Variants in HERC2 observed in about 807,000 individuals in gnomAD.
The protein encoded by HERC2 is HECT and RLD domain containing E3 ubiquitin protein ligase 2.
A neutral mutation model predicts 537.7 loss-of-function variants in HERC2; 102 were observed. The observed-to-expected ratio is 0.19, with a 90% CI of 0.16 to 0.22. HERC2 has a LOEUF of 0.22. Among genes scored for constraint, HERC2 ranks in the 10% least tolerant of loss-of-function variants. HERC2 has a pLI of 1.00. For synonymous variants in HERC2, 2,224 were observed against 2,466.2 expected, an observed-to-expected ratio of 0.90 and a Z score of 2.91; for missense variants, 4,236 against 6,198.2, an observed-to-expected ratio of 0.68 and a Z score of 10.63.
chr15:28,306,094 T>C (rs1040345752), intron 2 of HERC2, among the ~76,000 whole-genome samples: 1 of 152,224 alleles, frequency 6.6e-6, no homozygotes, highest in African/African-American at 2.4e-5. Flanking sequence ...TGTAAACTAG[T>C]CCATTATTAT....
intron 86 of HERC2, 23 bp from the exon 87 acceptor site, chr15:28,117,177 G>A: frequency 1.2e-6 from 2 of 1,612,410 alleles, no homozygotes; most frequent in Non-Finnish European, 1.7e-6. Context: ...AAGCAAGCAA[G>A]CGTGAGGCCG....
intron 76 of HERC2, 120 bp from the exon 77 acceptor site, chr15:28,141,966 T>C (rs1250658313): frequency 8.6e-5 from 72 of 835,874 alleles, no homozygotes; most frequent in Non-Finnish European, 1.3e-4. Context: ...AACATTGCAA[T>C]GTTATGGTTC....
At chr15:28,316,222 CAAAAAAAAAAAA>C (rs869089875) in intron 2 of HERC2, among the ~76,000 whole-genome samples, 3 of 50,542 alleles carry the variant, frequency 5.9e-5, no homozygotes, top group Non-Finnish European at 1.2e-4. Flanking sequence ...GACTCTGTCT[CAAAAAAAAAAAA>C]AAAAAAAAAA....
intron 2 of HERC2, among the ~76,000 whole-genome samples, chr15:28,317,295 G>A (rs971271456): frequency 2.6e-5 from 4 of 152,162 alleles, no homozygotes; most frequent in Non-Finnish European, 5.9e-5. Context: ...CACCATGGGC[G>A]CCAGGCTGGT....
intron 78 of HERC2, among the ~76,000 whole-genome samples, chr15:28,136,913 G>C (rs1435231554): frequency 1.3e-5 from 2 of 152,080 alleles, no homozygotes; most frequent in African/African-American, 2.4e-5. Context: ...ATATGCTAAA[G>C]GAGAAGGAAA....
intron 12 of HERC2, among the ~76,000 whole-genome samples, chr15:28,267,447 A>T (rs1271230470): frequency 6.6e-6 from 1 of 152,220 alleles, no homozygotes; most frequent in African/African-American, 2.4e-5. Context: ...AAGTAAGCAG[A>T]CATACCACCC....
At chr15:28,127,411 G>T (rs758361517) in intron 83 of HERC2, among the ~76,000 whole-genome samples, 4 of 152,242 alleles carry the variant, frequency 2.6e-5, no homozygotes, top group Non-Finnish European at 5.9e-5. Flanking sequence ...GAAAGGATCT[G>T]CAAGGTTGCC....
chr15:28,152,612 T>TA (rs1171667693), intron 70 of HERC2, 65 bp downstream of exon 70: 1 of 1,373,264 alleles, frequency 7.3e-7, no homozygotes, highest in Non-Finnish European at 9.7e-7. Context: ...CTGAAGCAAT[T>TA]ACAGAATCAC....
In HERC2 at chr15:28,244,852, G is replaced by T. The variant is rs189339365; in HGVS notation, c.3577+1029C>A. On this transcript the variant is annotated intron_variant, in intron 23 of 92. Coordinates refer to ENST00000261609, the MANE Select transcript of HERC2 (RefSeq NM_004667.6). Reference sequence around the variant, plus strand: ...TTAGGGGGATGATGGTCTAAAACACGAGAAGAAAAAAAGCCCATCCAGCTT... The same window carrying T: ...TTAGGGGGATGATGGTCTAAAACACTAGAAGAAAAAAAGCCCATCCAGCTT... Among the ~76,000 whole-genome samples, 228 of 152,138 alleles carry T rather than the reference G, an allele frequency of 1.5e-3. 1 individual carries two copies. The highest frequency in any genetic ancestry group is 2.4e-3 in the Admixed American group (37 of 15,274).
chr15:28,244,518 G>T (rs952047577), intron 23 of HERC2, among the ~76,000 whole-genome samples: 1 of 152,094 alleles, frequency 6.6e-6, no homozygotes, highest in African/African-American at 2.4e-5. Context: ...CCAGGCTAAG[G>T]TTTGAATGGC....
intron 55 of HERC2, among the ~76,000 whole-genome samples, chr15:28,189,034 G>A (rs1896587651): frequency 6.6e-6 from 1 of 151,898 alleles, no homozygotes; most frequent in East Asian, 1.9e-4. Context: ...GTTGCGGTAA[G>A]CTGAGATCTG....
chr15:28,125,236 C>G (rs1177940847), intron 83 of HERC2, 43 bp from the exon 84 acceptor site: 2 of 1,504,716 alleles, frequency 1.3e-6, no homozygotes, highest in Admixed American at 3.4e-5. Flanking sequence ...ATACTAGGGC[C>G]AACAAACGCA....
chr15:28,288,227 T>A (rs554642018), intron 4 of HERC2, among the ~76,000 whole-genome samples: 1 of 152,226 alleles, frequency 6.6e-6, no homozygotes, highest in South Asian at 2.1e-4. Context: ...GGGCCCATAA[T>A]GGTAAAATGT....
intron 79 of HERC2, 68 bp from the exon 80 acceptor site, chr15:28,132,898 T>TCC: frequency 1.6e-6 from 2 of 1,230,740 alleles, no homozygotes; most frequent in Non-Finnish European, 2.2e-6. Flanking sequence ...GTGTATTAAA[T>TCC]ACCTCTCAAT....
intron 23 of HERC2, among the ~76,000 whole-genome samples, chr15:28,240,809 T>C (rs921650316): frequency 2.6e-5 from 4 of 152,230 alleles, no homozygotes; most frequent in Non-Finnish European, 2.9e-5. Flanking sequence ...AAGAGCCTTT[T>C]CAATGCATGG....
intron 26 of HERC2, 63 bp downstream of exon 26, chr15:28,236,900 T>C: frequency 6.6e-7 from 1 of 1,508,880 alleles, no homozygotes; most frequent in Non-Finnish European, 9.2e-7. Context: ...CTCCCACTCT[T>C]AATGGCACTT....
At chr15:28,270,619 A>C in intron 10 of HERC2, 76 bp downstream of exon 10, 1 of 1,432,022 alleles carries the variant, frequency 7.0e-7, no homozygotes, top group Non-Finnish European at 9.6e-7. Context: ...GCAAGTCTCC[A>C]CACGGGCCCA....
chr15:28,278,577 C>T (rs142247584), intron 5 of HERC2, among the ~76,000 whole-genome samples: 1 of 152,010 alleles, frequency 6.6e-6, no homozygotes, highest in East Asian at 1.9e-4. Flanking sequence ...CACAGAGAGC[C>T]AACTGTAATG....
At chr15:28,195,582 A>G (rs1040922793) in intron 52 of HERC2, among the ~76,000 whole-genome samples, 2 of 152,200 alleles carry the variant, frequency 1.3e-5, no homozygotes, top group Admixed American at 6.5e-5. Flanking sequence ...ACACAAAAGG[A>G]TAAATCTTAT....
Sources: gnomAD v4.1 joint callset for allele counts (sites outside exome capture counted in the v4.1 genomes callset) on GRCh38, gnomAD v4.1.1 for gene constraint, MANE v1.5 for transcripts, NCBI Gene and HGNC (gene_info 2026-07-23, HGNC 2026-07-21) for gene names.